Variants in HIRA observed in about 807,000 individuals in gnomAD.
The protein encoded by HIRA is protein HIRA.
In HIRA, 13 loss-of-function variants were observed where a neutral mutation model predicts 126.6. The ratio of observed to expected loss-of-function variants is 0.10; its 90% CI spans 0.07 to 0.16. HIRA has a LOEUF of 0.16. Among genes scored for constraint, HIRA ranks in the 10% least tolerant of loss-of-function variants. HIRA has a pLI of 1.00. For missense variants in HIRA, 834 were observed against 1,314.4 expected (o/e 0.63, Z 5.65); for synonymous variants, 511 against 520.0 (o/e 0.98, Z 0.24).
chr22:19,398,104 G>A lies in HIRA; in HGVS notation c.398-17C>T, dbSNP rs2058449509. ...CCATCACATCTGAAAGAAGACAGAG[G>A]GTTCTGGTGAGATCTCTTACCTGGT... On this transcript the variant is annotated splice_polypyrimidine_tract_variant and intron_variant, in intron 5 of 24. Coordinates refer to ENST00000263208, the MANE Select transcript of HIRA (RefSeq NM_003325.4). The A allele has an allele frequency of 1.2e-6, 2 of 1,600,188 alleles. No homozygotes were observed. The highest frequency in any genetic ancestry group is 1.7e-5 in the Admixed American group (1 of 59,868).
At chr22:19,402,671 T>C (rs1368061001) in intron 5 of HIRA, among the ~76,000 whole-genome samples, 1 of 152,232 alleles carries the variant, frequency 6.6e-6, no homozygotes, top group Non-Finnish European at 1.5e-5. Context: ...TATTTAACTG[T>C]GTTGCAGAAA....
chr22:19,337,885 T>C (rs2088583800), intron 24 of HIRA, among the ~76,000 whole-genome samples: 1 of 151,990 alleles, frequency 6.6e-6, no homozygotes, highest in African/African-American at 2.4e-5. Context: ...TCTGCCGCCC[T>C]GGTTCACGCA....
At chr22:19,338,887 CA>C (rs1215867545) in intron 24 of HIRA, among the ~76,000 whole-genome samples, 25 of 152,264 alleles carry the variant, frequency 1.6e-4, no homozygotes, top group African/African-American at 6.0e-4. Flanking sequence ...CAACACTAGA[CA>C]GGTCATCAAG....
At chr22:19,339,409 AG>A (rs1160406469) in intron 24 of HIRA, among the ~76,000 whole-genome samples, 43 of 152,142 alleles carry the variant, frequency 2.8e-4, no homozygotes, top group African/African-American at 1.0e-3. Flanking sequence ...CCAAGGCAGG[AG>A]GATCACTTGA....
At chr22:19,413,650 C>T (rs1020454790) in intron 1 of HIRA, among the ~76,000 whole-genome samples, 9 of 151,468 alleles carry the variant, frequency 5.9e-5, no homozygotes, top group South Asian at 4.2e-4. Flanking sequence ...TTCGCTCTGT[C>T]GCCCAGGCTA....
intron 11 of HIRA, 150 bp from the exon 12 acceptor site, chr22:19,385,886 G>T: frequency 5.9e-6 from 4 of 681,766 alleles, no homozygotes; most frequent in Non-Finnish European, 1.0e-5. Context: ...ATCCTATTCT[G>T]CCTGTCCCTC....
At chr22:19,422,487 T>TCC (rs2089456571) in intron 1 of HIRA, among the ~76,000 whole-genome samples, 1 of 152,030 alleles carries the variant, frequency 6.6e-6, no homozygotes, top group African/African-American at 2.4e-5. Flanking sequence ...ATCACAGTAG[T>TCC]CCTCTGCTCC....
At chr22:19,344,218 A>G (rs1432371467) in intron 24 of HIRA, among the ~76,000 whole-genome samples, 2 of 152,196 alleles carry the variant, frequency 1.3e-5, no homozygotes, top group East Asian at 3.8e-4. Flanking sequence ...GAGATAATCA[A>G]TGAAACCAAA....
intron 13 of HIRA, among the ~76,000 whole-genome samples, chr22:19,379,579 C>CA: frequency 6.8e-6 from 1 of 147,528 alleles, no homozygotes; most frequent in African/African-American, 2.5e-5. Flanking sequence ...GAGTTGAGAT[C>CA]ACACCACTGT....
At position 19,431,668 on chromosome 22, in the gene HIRA, G is replaced by A. The variant is rs565233912; in HGVS notation, c.-192C>T. The stretch of plus-strand genomic sequence containing the variant: ...CCGCCACAGCCGCCACCCGCGCTCG[G>A]CCGCCGCCGCCGCCACCACAGCCGC... On this transcript the variant is annotated 5_prime_UTR_variant, in exon 1 of 25. Transcript: ENST00000263208. 4 of 431,004 alleles carry A rather than the reference G, an allele frequency of 9.3e-6. No individual in the cohort carries two copies. Among genetic ancestry groups the A allele is most frequent in the Admixed American group, 5.2e-5 (1 of 19,060 alleles). 26.7% of individuals were successfully genotyped at this position (431,004 alleles called of 1,614,324 possible).
chr22:19,415,070 C>T (rs1020757249), intron 1 of HIRA, among the ~76,000 whole-genome samples: 3 of 152,074 alleles, frequency 2.0e-5, no homozygotes, highest in African/African-American at 4.8e-5. Flanking sequence ...CTCAGCCTCC[C>T]GAGTAGCTGG....
At position 19,356,216 on chromosome 22, in the gene HIRA, G is replaced by C; in HGVS notation, c.2455+14C>G. 6.2e-7 allele frequency: 1 copy of C among 1,611,928 alleles called. No individual in the cohort carries two copies. The highest frequency in any genetic ancestry group is 8.5e-7 in the Non-Finnish European group (1 of 1,177,966). On this transcript the variant is annotated intron_variant, in intron 20 of 24. Coordinates refer to ENST00000263208, the MANE Select transcript of HIRA (RefSeq NM_003325.4). ...GCCCCCAAAAGAGTAGGGACAGCCTGTTGCCTGCATTACCTGCCAGGATGG... is the reference window on the plus strand; with the variant it reads ...GCCCCCAAAAGAGTAGGGACAGCCTCTTGCCTGCATTACCTGCCAGGATGG...
At chr22:19,335,508 G>A (rs1260244928) in intron 24 of HIRA, among the ~76,000 whole-genome samples, 2 of 152,196 alleles carry the variant, frequency 1.3e-5, no homozygotes, top group Non-Finnish European at 2.9e-5. Flanking sequence ...GCCTCCCAAA[G>A]TGCTGGGATT....
intron 24 of HIRA, among the ~76,000 whole-genome samples, chr22:19,336,685 G>T (rs2088570488): frequency 6.6e-6 from 1 of 152,188 alleles, no homozygotes; most frequent in Non-Finnish European, 1.5e-5. Context: ...TCCACAGCTG[G>T]GAGATCTGAA....
At chr22:19,387,340 C>T (rs1401241504) in intron 11 of HIRA, among the ~76,000 whole-genome samples, 1 of 152,124 alleles carries the variant, frequency 6.6e-6, no homozygotes, top group Admixed American at 6.5e-5. Context: ...GCAGACAATG[C>T]GTTCTAAGAA....
intron 22 of HIRA, 108 bp from the exon 23 acceptor site, chr22:19,353,627 G>T: frequency 1.8e-6 from 2 of 1,124,880 alleles, no homozygotes; most frequent in Non-Finnish European, 2.5e-6. Context: ...AGGCACCAGG[G>T]CTGCCAAGGC....
intron 24 of HIRA, among the ~76,000 whole-genome samples, chr22:19,340,348 C>T (rs1290255522): frequency 6.6e-6 from 1 of 151,814 alleles, no homozygotes; most frequent in Non-Finnish European, 1.5e-5. Context: ...TCAGGAAAAC[C>T]GTCATAGAAT....
chr22:19,342,521 G>A (rs2088641958), intron 24 of HIRA, among the ~76,000 whole-genome samples: 1 of 152,070 alleles, frequency 6.6e-6, no homozygotes, highest in African/African-American at 2.4e-5. Context: ...TGAGTAGCTG[G>A]GACTATAGGC....
At chr22:19,342,892 T>C (rs541474213) in intron 24 of HIRA, among the ~76,000 whole-genome samples, 6 of 152,304 alleles carry the variant, frequency 3.9e-5, no homozygotes, top group Admixed American at 1.3e-4. Context: ...GTGGTATATA[T>C]ACACCATGGA....
Sources: gnomAD v4.1 joint callset for allele counts (sites outside exome capture counted in the v4.1 genomes callset) on GRCh38, gnomAD v4.1.1 for gene constraint, MANE v1.5 for transcripts, NCBI Gene and HGNC (gene_info 2026-07-23, HGNC 2026-07-21) for gene names.